The following NAV2 variants were observed in gnomAD, a reference collection of about 807,000 sequenced individuals.
NAV2 encodes neuron navigator 2, also known as helicase, APC down-regulated 1.
NAV2 carries 54 observed loss-of-function variants against 223.2 expected under a neutral mutation model. The ratio of observed to expected loss-of-function variants is 0.24; its 90% CI spans 0.19 to 0.30. NAV2 has a LOEUF of 0.30. Among genes scored for constraint, NAV2 ranks in the 10% least tolerant of loss-of-function variants. NAV2 has a pLI of 1.00. For missense variants in NAV2, 2,806 were observed against 3,147.5 expected (o/e 0.89, Z 2.60); for synonymous variants, 1,279 against 1,239.3 (o/e 1.03, Z -0.67).
intron 1 of NAV2, among the ~76,000 whole-genome samples, chr11:19,663,028 C>G (rs991350061): frequency 2.6e-5 from 4 of 152,066 alleles, no homozygotes; most frequent in Admixed American, 2.0e-4. Context: ...TTTGCCTAGT[C>G]CCCTGAGATC....
At chr11:19,492,123 A>G (rs2042649738) in intron 1 of NAV2, among the ~76,000 whole-genome samples, 1 of 152,234 alleles carries the variant, frequency 6.6e-6, no homozygotes. Context: ...ATCACTGATC[A>G]TTGGTCACCA....
rs2046311417 is a variant in NAV2 at position 19,599,995 on chromosome 11, A to T, written c.76-232489A>T. ...CAGACTGTGAAGTAAGTATTTCAGT[A>T]CAAGTAGTTTATTTGGGAAGTGATT... is the stretch of plus-strand genomic sequence containing the variant. On this transcript the variant is annotated intron_variant, in intron 1 of 37. Coordinates refer to the NAV2 transcript ENST00000360655. Among the ~76,000 whole-genome samples the T allele has an allele frequency of 3.3e-5, 5 of 152,326 alleles. No individual in the cohort carries two copies. In the South Asian group the frequency reaches 1.0e-3, roughly 32 times the overall value.
At chr11:19,346,200 A>G (rs894234848), upstream of NAV2, among the ~76,000 whole-genome samples, 2 of 151,762 alleles carry the variant, frequency 1.3e-5, no homozygotes. Flanking sequence ...AGCTTCTGTG[A>G]TCTGTGTATA....
intron 1 of NAV2, among the ~76,000 whole-genome samples, chr11:19,733,190 G>A (rs2051973062): frequency 6.6e-6 from 1 of 152,186 alleles, no homozygotes; most frequent in Non-Finnish European, 1.5e-5. Context: ...TGAAGGTCAG[G>A]GAAGGGAGCT....
intron 1 of NAV2, among the ~76,000 whole-genome samples, chr11:19,561,420 C>A (rs954787728): frequency 8.5e-5 from 13 of 152,134 alleles, no homozygotes; most frequent in African/African-American, 3.1e-4. Flanking sequence ...CTAGCCTCAA[C>A]CTTCACATAC....
At chr11:19,716,546 G>T (rs1029107604) in intron 1 of NAV2, among the ~76,000 whole-genome samples, 3 of 152,142 alleles carry the variant, frequency 2.0e-5, no homozygotes, top group Admixed American at 6.5e-5. Flanking sequence ...AAAAGATATG[G>T]CTTATTCTCT....
At chr11:19,751,820 A>G (rs2053848163) in intron 1 of NAV2, among the ~76,000 whole-genome samples, 1 of 152,208 alleles carries the variant, frequency 6.6e-6, no homozygotes, top group Non-Finnish European at 1.5e-5. Context: ...AGTAGAGAGC[A>G]GAGAGGGATT....
At chr11:19,645,963 T>C (rs1033565952) in intron 1 of NAV2, among the ~76,000 whole-genome samples, 2 of 152,140 alleles carry the variant, frequency 1.3e-5, no homozygotes, top group Admixed American at 6.5e-5. Context: ...AACTACACCA[T>C]TGCTGCGGCC....
chr11:19,866,657 T>C (rs2062112153), intron 3 of NAV2, among the ~76,000 whole-genome samples: 1 of 152,218 alleles, frequency 6.6e-6, no homozygotes, highest in Non-Finnish European at 1.5e-5. Context: ...ATGTGAGTTC[T>C]ATAGAAATAG....
intron 23 of NAV2, 63 bp downstream of exon 23, chr11:20,077,698 ATT>A: frequency 7.8e-7 from 1 of 1,276,862 alleles, no homozygotes; most frequent in Non-Finnish European, 1.1e-6. Flanking sequence ...TGAAAATACT[ATT>A]CTTTCATTTC....
At chr11:20,101,632 A>G (rs2061649650) in intron 32 of NAV2, among the ~76,000 whole-genome samples, 1 of 152,154 alleles carries the variant, frequency 6.6e-6, no homozygotes, top group Non-Finnish European at 1.5e-5. Context: ...TTTTACAGAG[A>G]AGGAAACAGA....
chr11:19,670,269 G>A (rs1590065287), intron 1 of NAV2, among the ~76,000 whole-genome samples: 3 of 152,210 alleles, frequency 2.0e-5, no homozygotes, highest in South Asian at 2.1e-4. Context: ...CTTGATTCCC[G>A]GAGTCTGGGT....
chr11:20,063,394 A>G (rs757378395), intron 20 of NAV2, among the ~76,000 whole-genome samples: 23 of 152,136 alleles, frequency 1.5e-4, no homozygotes, highest in Non-Finnish European at 2.5e-4. Context: ...TTTATTTTAG[A>G]CAGACTCTCG....
At chr11:19,817,473 C>T (rs2059147752) in intron 1 of NAV2, among the ~76,000 whole-genome samples, 1 of 152,096 alleles carries the variant, frequency 6.6e-6, no homozygotes, top group African/African-American at 2.4e-5. Context: ...CAGTTAGGTC[C>T]AGTGTCTGGG....
At chr11:20,072,412 G>T (rs9666653) in intron 22 of NAV2, among the ~76,000 whole-genome samples, 94,983 of 152,024 alleles carry the variant, frequency 0.62, 31,599 homozygotes, top group African/African-American at 0.84. Context: ...GTCTTGGCTA[G>T]GCAGACTCTT....
intron 1 of NAV2, among the ~76,000 whole-genome samples, chr11:19,372,522 G>A (rs1257911085): frequency 6.6e-6 from 1 of 152,198 alleles, no homozygotes; most frequent in Non-Finnish European, 1.5e-5. Context: ...GCGCAGAGGA[G>A]CAACAGAGCT....
At chr11:19,471,821 C>T (rs1197379795) in intron 1 of NAV2, among the ~76,000 whole-genome samples, 1 of 152,156 alleles carries the variant, frequency 6.6e-6, no homozygotes, top group African/African-American at 2.4e-5. Context: ...CTGCCAGAGC[C>T]ACCAGAGCCT....
chr11:19,746,456 C>T (rs2053351475), intron 1 of NAV2, among the ~76,000 whole-genome samples: 1 of 152,090 alleles, frequency 6.6e-6, no homozygotes, highest in African/African-American at 2.4e-5. Context: ...ATTGGAAATT[C>T]AGAATTAGAC....
Position 19,525,949 on chromosome 11 carries a change from C to T in NAV2, c.75+174922C>T, listed in dbSNP as rs537121630. On this transcript the variant is annotated intron_variant, in intron 1 of 37. Coordinates refer to the NAV2 transcript ENST00000360655. ...TATCCTAGGGTGGAGGCCCAGGTCT[C>T]GGGGACAGGTCCCACCTCTCCTGAT... Among the ~76,000 whole-genome samples, 9 of 152,208 alleles carry T rather than the reference C, an allele frequency of 5.9e-5. No homozygotes were observed. In the East Asian group the frequency reaches 1.4e-3, roughly 23 times the overall value.
Sources: gnomAD v4.1 joint callset for allele counts (sites outside exome capture counted in the v4.1 genomes callset) on GRCh38, gnomAD v4.1.1 for gene constraint, MANE v1.5 for transcripts, NCBI Gene and HGNC (gene_info 2026-07-23, HGNC 2026-07-21) for gene names.